Variants in SFXN5 observed in about 807,000 individuals in gnomAD.
SFXN5 encodes sideroflexin-5.
SFXN5 carries 43 observed loss-of-function variants against 50.2 expected under a neutral mutation model. That is an observed-to-expected ratio of 0.86 (90% CI 0.67 to 1.11). The LOEUF is 1.11. Ranked by LOEUF, SFXN5 falls within the 50% of genes least tolerant of loss-of-function variation. The pLI is 0.00. For missense variants in SFXN5, 463 were observed against 454.1 expected (o/e 1.02, Z -0.18); for synonymous variants, 203 against 185.8 (o/e 1.09, Z -0.75).
intron 10 of SFXN5, among the ~76,000 whole-genome samples, chr2:72,985,125 T>A (rs528830110): frequency 6.6e-6 from 1 of 152,292 alleles, no homozygotes; most frequent in South Asian, 2.1e-4. Context: ...TCACTGCCAC[T>A]TTCCCCAACC....
intron 6 of SFXN5, among the ~76,000 whole-genome samples, chr2:73,006,359 C>T (rs763163921): frequency 2.6e-5 from 4 of 152,156 alleles, no homozygotes; most frequent in Non-Finnish European, 5.9e-5. Flanking sequence ...CGGTGGCTCA[C>T]GCCTGCAATC....
At chr2:72,958,743 T>C (rs1232411280) in intron 13 of SFXN5, among the ~76,000 whole-genome samples, 1 of 151,760 alleles carries the variant, frequency 6.6e-6, no homozygotes, top group Admixed American at 6.6e-5. Context: ...CCAGAGCCCA[T>C]GGCTCCATTT....
intron 6 of SFXN5, among the ~76,000 whole-genome samples, chr2:73,007,960 G>A (rs1255340210): frequency 6.6e-6 from 1 of 152,212 alleles, no homozygotes; most frequent in African/African-American, 2.4e-5. Flanking sequence ...TGTGTGGTGA[G>A]CTAGGTCAAC....
intron 2 of SFXN5, among the ~76,000 whole-genome samples, chr2:73,047,418 C>A (rs1329149257): frequency 1.4e-5 from 2 of 146,672 alleles, no homozygotes; most frequent in South Asian, 4.3e-4. Context: ...CATATAAAAT[C>A]TTGGTACAGG....
chr2:72,988,292 A>T lies in SFXN5; in HGVS notation c.591T>A (p.Leu197=). ...KANKFTPATR[L]LIQRFVPFPA... Reference sequence around the variant, plus strand: ...GGAACGGCACAAACCTCTGGATGAGAAGGCGGGTGGCTGGGGTGAACTTGT... The same window carrying T: ...GGAACGGCACAAACCTCTGGATGAGTAGGCGGGTGGCTGGGGTGAACTTGT... The change falls in exon 10 of 14, where the codon CTT becomes CTA. Residue 197 remains leucine (L), a synonymous_variant. Transcript: ENST00000272433. The T allele has an allele frequency of 4.3e-6, 7 of 1,613,902 alleles. No individual in the cohort carries two copies. The highest frequency in any genetic ancestry group is 5.9e-6 in the Non-Finnish European group (7 of 1,179,844).
intron 3 of SFXN5, among the ~76,000 whole-genome samples, chr2:73,023,906 C>T (rs993747517): frequency 1.3e-5 from 2 of 152,124 alleles, no homozygotes; most frequent in Non-Finnish European, 2.9e-5. Flanking sequence ...GCTGGAGAAA[C>T]GGAGTAACTT....
chr2:73,015,800 G>A (rs1210451757), intron 6 of SFXN5, among the ~76,000 whole-genome samples: 2 of 152,072 alleles, frequency 1.3e-5, no homozygotes, highest in Admixed American at 1.3e-4. Context: ...GGCCAGGTGT[G>A]ATGGCTCATG....
In SFXN5 at chr2:72,961,070, T is replaced by C; in HGVS notation, c.945+61A>G. The C allele has an allele frequency of 8.2e-7, 1 of 1,224,134 alleles. No homozygotes were observed. The highest frequency in any genetic ancestry group is 1.1e-6 in the Non-Finnish European group (1 of 896,726). 75.8% of individuals were successfully genotyped at this position (1,224,134 alleles called of 1,614,324 possible). On this transcript the variant is annotated intron_variant, in intron 13 of 13. Coordinates refer to ENST00000272433, the MANE Select transcript of SFXN5 (RefSeq NM_144579.3). This position sits in a 1 kb window ranked among gnomAD's most constrained non-coding sequence, Gnocchi z 4.4. ...GGAGTCGGCACGGTATGAGTATTTG[T>C]TCAGAAATCACCAAACAGCACCCCC...
At chr2:73,044,238 T>C (rs1173624983) in intron 2 of SFXN5, among the ~76,000 whole-genome samples, 1 of 152,178 alleles carries the variant, frequency 6.6e-6, no homozygotes, top group African/African-American at 2.4e-5. Flanking sequence ...GCAAAGGGCA[T>C]GGGTTGCGGG....
chr2:73,013,196 T>C (rs567463892), intron 6 of SFXN5, among the ~76,000 whole-genome samples: 17 of 152,248 alleles, frequency 1.1e-4, no homozygotes, highest in Non-Finnish European at 2.5e-4. Context: ...CAAACTGAGT[T>C]AAATGTAAGT....
rs748759720 is a variant in SFXN5 at position 73,020,279 on chromosome 2, A to G, written c.332-15T>C. ...AGGAATATAACCTGTGAACGAGAAG[A>G]AAAGAGTCAGGCCTTATAATCCACT... On this transcript the variant is annotated splice_polypyrimidine_tract_variant and intron_variant, in intron 5 of 13. Transcript: ENST00000272433. The G allele has an allele frequency of 8.1e-6, 13 of 1,613,912 alleles. No homozygotes were observed. The highest frequency in any genetic ancestry group is 1.0e-5 in the Non-Finnish European group (12 of 1,179,900).
intron 12 of SFXN5, among the ~76,000 whole-genome samples, chr2:72,966,293 C>G (rs1674393052): frequency 6.6e-6 from 1 of 152,212 alleles, no homozygotes; most frequent in Admixed American, 6.5e-5. Flanking sequence ...AGAGTAAGCA[C>G]TGCTCACTGA....
chr2:73,053,992 G>A (rs952249824), intron 2 of SFXN5, among the ~76,000 whole-genome samples: 1 of 152,180 alleles, frequency 6.6e-6, no homozygotes, highest in African/African-American at 2.4e-5. Context: ...ACAGCTCATC[G>A]GGAGGGACTC....
At chr2:73,002,346 C>T (rs1242462706) in intron 6 of SFXN5, among the ~76,000 whole-genome samples, 1 of 152,152 alleles carries the variant, frequency 6.6e-6, no homozygotes, top group Non-Finnish European at 1.5e-5. Flanking sequence ...ACTTGCTGAC[C>T]GTGTTTTTGG....
chr2:73,069,728 T>C (rs1050163921), intron 1 of SFXN5, among the ~76,000 whole-genome samples: 1 of 151,860 alleles, frequency 6.6e-6, no homozygotes, highest in Non-Finnish European at 1.5e-5. Flanking sequence ...GGCTCAGTCA[T>C]ATAAGCCACT....
Position 72,971,569 on chromosome 2 carries a change from C to T in SFXN5, c.741+1G>A, listed in dbSNP as rs765452302. 13 of 1,612,588 alleles carry T rather than the reference C, an allele frequency of 8.1e-6. No homozygotes were observed. The highest frequency in any genetic ancestry group is 4.5e-5 in the East Asian group (2 of 44,862). On this transcript the variant is annotated splice_donor_variant, in intron 11 of 13. Coordinates refer to ENST00000272433, the MANE Select transcript of SFXN5 (RefSeq NM_144579.3). LOFTEE classifies it high-confidence loss of function. ...CCAACCCTGCGAACCCCCAGACCCACGTGTCGGGCTGCGATCTTGGAGGAG... is the reference window on the plus strand; with the variant it reads ...CCAACCCTGCGAACCCCCAGACCCATGTGTCGGGCTGCGATCTTGGAGGAG...
At chr2:72,963,131 G>C (rs1673942216) in intron 12 of SFXN5, among the ~76,000 whole-genome samples, 1 of 152,194 alleles carries the variant, frequency 6.6e-6, no homozygotes, top group South Asian at 2.1e-4. Context: ...GCCCTGCTTG[G>C]AGGAGGCTGT....
At chr2:72,983,643 G>A (rs929570606) in intron 10 of SFXN5, among the ~76,000 whole-genome samples, 3 of 152,146 alleles carry the variant, frequency 2.0e-5, no homozygotes, top group Admixed American at 6.5e-5. Flanking sequence ...ACACCTACCC[G>A]GAGTCCAGAG....
chr2:73,054,683 T>G (rs565431265), intron 2 of SFXN5, among the ~76,000 whole-genome samples: 2 of 152,294 alleles, frequency 1.3e-5, no homozygotes, highest in African/African-American at 4.8e-5. Flanking sequence ...CTACCATGTC[T>G]CAATATGTCT....
Sources: allele counts gnomAD v4.1 joint callset (sites outside exome capture counted in the v4.1 genomes callset), GRCh38; gene constraint gnomAD v4.1.1; non-coding constraint Gnocchi (gnomAD v3.1); transcripts MANE v1.5; gene names NCBI Gene and HGNC (gene_info 2026-07-23, HGNC 2026-07-21).